SYT17: variants seen among roughly 807,000 people sequenced by gnomAD.
SYT17 encodes the protein synaptotagmin 17, also known as synaptotagmin-17.
Under a neutral mutation model 46.7 loss-of-function variants are expected in SYT17, and 22 were observed. The ratio of observed to expected loss-of-function variants is 0.47; its 90% CI spans 0.34 to 0.67. The LOEUF (loss-of-function observed/expected upper bound fraction) is 0.67, where lower values mean the gene tolerates loss of function less well. SYT17 is among the 30% of genes least tolerant of loss of function. The pLI is 0.01. For synonymous variants in SYT17, 251 were observed against 248.4 expected (o/e 1.01, Z -0.10); for missense variants, 519 against 612.8 (o/e 0.85, Z 1.62).
In SYT17 at chr16:19,267,068, G is replaced by T; in HGVS notation, c.1417G>T (p.Val473Leu). The T allele has an allele frequency of 1.2e-6, 2 of 1,601,704 alleles. No individual in the cohort carries two copies. Among genetic ancestry groups the T allele is most frequent in the Non-Finnish European group, 1.7e-6 (2 of 1,174,870 alleles). ...CDRVSPASLE[V>L]T ...CCGCGTGTCTCCTGCCTCCCTGGAG[G>T]TGACCTGAGGGCTGCAGGGAAGGCA... The change falls in exon 8 of 8, where the codon GTG becomes TTG. Residue 473 changes from valine to leucine, a missense_variant. Transcript: ENST00000355377.
Position 19,224,761 on chromosome 16 carries a change from T to C in SYT17, c.1151T>C (p.Ile384Thr), listed in dbSNP as rs762720358. ...TKKTSFLRGT[I>T]DPFYNESFSF... ...AAGACGTCCTTCTTAAGGGGCACAATTGATCCTTTCTACAATGAATCCTTC... is the reference window on the plus strand; with the variant it reads ...AAGACGTCCTTCTTAAGGGGCACAACTGATCCTTTCTACAATGAATCCTTC... The change falls in exon 7 of 8, where the codon ATT (isoleucine) becomes ACT (threonine). Residue 384 changes from isoleucine (I) to threonine (T), a missense_variant. Ile to Thr is a moderately conservative substitution (Grantham distance 89). Transcript: ENST00000355377. The C allele has an allele frequency of 3.7e-6, 6 of 1,614,118 alleles. No homozygotes were observed. The highest frequency in any genetic ancestry group is 2.5e-6 in the Non-Finnish European group (3 of 1,179,978).
At chr16:19,211,245 G>A in intron 5 of SYT17, 1 of 536,044 alleles carries the variant, frequency 1.9e-6, no homozygotes, top group Non-Finnish European at 3.3e-6. Context: ...CTGTCACCCA[G>A]TTCCTTCTCC....
chr16:19,197,291 G>A (rs1965285484), intron 5 of SYT17, among the ~76,000 whole-genome samples: 1 of 152,216 alleles, frequency 6.6e-6, no homozygotes, highest in East Asian at 1.9e-4. Context: ...CTTTTCATGC[G>A]GTCCTTCATG....
intron 5 of SYT17, among the ~76,000 whole-genome samples, chr16:19,208,212 A>G (rs1218735012): frequency 6.6e-6 from 1 of 152,178 alleles, no homozygotes; most frequent in African/African-American, 2.4e-5. Context: ...CTATACACAT[A>G]TATTAGTTTT....
At chr16:19,194,805 C>T (rs931099948) in intron 5 of SYT17, among the ~76,000 whole-genome samples, 2 of 152,102 alleles carry the variant, frequency 1.3e-5, no homozygotes, top group African/African-American at 2.4e-5. Context: ...GCTGTGTTGC[C>T]CAGGCTGGTC....
chr16:19,234,507 A>G (rs1157299422), intron 7 of SYT17, among the ~76,000 whole-genome samples: 2 of 152,166 alleles, frequency 1.3e-5, no homozygotes, highest in African/African-American at 4.8e-5. Context: ...TATTTTATAT[A>G]AAAAGCTTTA....
chr16:19,260,503 CAAAAAAAAAAAAAAA>C lies in SYT17; in HGVS notation c.1229-6366_1229-6352del, dbSNP rs58392770. Among the ~76,000 whole-genome samples the C allele has an allele frequency of 3.7e-4, 28 of 76,208 alleles. No homozygotes were observed. The South Asian group carries it at 0.011, about 31-fold the overall frequency. 50.0% of individuals were successfully genotyped at this position (76,208 alleles called of 152,430 possible). On this transcript the variant is annotated intron_variant, in intron 7 of 7. Coordinates refer to ENST00000355377, the MANE Select transcript of SYT17 (RefSeq NM_016524.4). ...TGGGTAACAGAGAGAGACCTTGTCT[CAAAAAAAAAAAAAAA>C]AAAAAAAAAAGGAAAGAAAAAAAAA...
chr16:19,184,596 G>A (rs1031212157), intron 5 of SYT17, among the ~76,000 whole-genome samples: 10 of 150,762 alleles, frequency 6.6e-5, no homozygotes, highest in Admixed American at 2.6e-4. Context: ...GAGGTTTTCC[G>A]TGTTATCCAG....
chr16:19,167,955 C>A (rs1963934146), upstream of SYT17: 1 of 152,394 alleles, frequency 6.6e-6, no homozygotes, highest in Non-Finnish European at 1.5e-5. Flanking sequence ...TAACTTGAGG[C>A]TCCCATCCAC....
chr16:19,174,597 T>G (rs1437771812), intron 3 of SYT17, among the ~76,000 whole-genome samples: 1 of 152,204 alleles, frequency 6.6e-6, no homozygotes, highest in Non-Finnish European at 1.5e-5. Context: ...TATCAAATAT[T>G]TCCATAGCAA....
At chr16:19,232,912 AC>A (rs1966756760) in intron 7 of SYT17, among the ~76,000 whole-genome samples, 1 of 151,798 alleles carries the variant, frequency 6.6e-6, no homozygotes, top group African/African-American at 2.4e-5. Flanking sequence ...TGACTCCCTA[AC>A]CCTGTCTGTA....
intron 3 of SYT17, 144 bp downstream of exon 3, chr16:19,173,722 T>C (rs1245558950): frequency 7.9e-6 from 7 of 888,228 alleles, no homozygotes; most frequent in East Asian, 5.3e-5. Flanking sequence ...GGGACAACTT[T>C]GCTGCAGACT....
chr16:19,194,422 C>T (rs752967126), intron 5 of SYT17, among the ~76,000 whole-genome samples: 2 of 152,148 alleles, frequency 1.3e-5, no homozygotes, highest in African/African-American at 2.4e-5. Flanking sequence ...GTTGCTGGCC[C>T]CTGGGTACTT....
chr16:19,265,047 G>T (rs949735588), intron 7 of SYT17, among the ~76,000 whole-genome samples: 5 of 152,170 alleles, frequency 3.3e-5, no homozygotes, highest in Admixed American at 1.3e-4. Flanking sequence ...GCCTGAAGTG[G>T]TCTCATAATA....
intron 5 of SYT17, among the ~76,000 whole-genome samples, chr16:19,217,562 C>T (rs974704566): frequency 2.0e-5 from 3 of 152,108 alleles, no homozygotes; most frequent in Non-Finnish European, 4.4e-5. Context: ...AATAACCTAC[C>T]ATTGCATAGA....
At chr16:19,170,288 G>A (rs965745805) in intron 1 of SYT17, 17 of 151,720 alleles carry the variant, frequency 1.1e-4, no homozygotes, top group South Asian at 2.1e-4. Context: ...TACTTTGCAC[G>A]AGTCAAGAGG....
rs773789512 is a variant in SYT17 at position 19,267,071 on chromosome 16, A to G, written c.1420A>G (p.Thr474Ala). Residue 474 changes from threonine (T) to alanine (A), a missense_variant, in exon 8 of 8, where the codon ACC becomes GCC. Transcript: ENST00000355377. ...CGTGTCTCCTGCCTCCCTGGAGGTG[A>G]CCTGAGGGCTGCAGGGAAGGCAGCT... ...DRVSPASLEVT is the reference protein window; with the variant it reads ...DRVSPASLEVA The G allele has an allele frequency of 3.0e-5, 47 of 1,590,488 alleles. 1 individual carries two copies. The South Asian group carries it at 5.3e-4, about 18-fold the overall frequency.
chr16:19,227,698 C>G (rs1454742329), intron 7 of SYT17, among the ~76,000 whole-genome samples: 5 of 152,180 alleles, frequency 3.3e-5, no homozygotes, highest in African/African-American at 1.2e-4. Context: ...TGTAGCATTC[C>G]ACACTTTTTT....
chr16:19,179,960 C>T, intron 3 of SYT17, among the ~76,000 whole-genome samples: 1 of 152,204 alleles, frequency 6.6e-6, no homozygotes, highest in East Asian at 1.9e-4. Flanking sequence ...AAATTATAGA[C>T]ACAGTGACTG....
Sources: gnomAD v4.1 joint callset for allele counts (sites outside exome capture counted in the v4.1 genomes callset) on GRCh38, gnomAD v4.1.1 for gene constraint, MANE v1.5 for transcripts, NCBI Gene and HGNC (gene_info 2026-07-23, HGNC 2026-07-21) for gene names.